The following ITFG1 variants were observed in gnomAD, a reference collection of about 807,000 sequenced individuals.
The protein encoded by ITFG1 is integrin alpha FG-GAP repeat containing 1.
In ITFG1, 34 loss-of-function variants were observed where a neutral mutation model predicts 81.8. That is an observed-to-expected ratio of 0.42 (90% CI 0.32 to 0.55). The LOEUF (loss-of-function observed/expected upper bound fraction) is 0.55, where lower values mean the gene tolerates loss of function less well. Among genes scored for constraint, ITFG1 ranks in the 20% least tolerant of loss-of-function variants. ITFG1 has a pLI of 0.17. For missense variants in ITFG1, 672 were observed against 755.4 expected (o/e 0.89, Z 1.29); for synonymous variants, 285 against 270.6 (o/e 1.05, Z -0.52).
intron 6 of ITFG1, among the ~76,000 whole-genome samples, chr16:47,409,391 TA>T (rs1567490168): frequency 2.2e-3 from 36 of 16,496 alleles, no homozygotes; most frequent in African/African-American, 3.1e-3. Context: ...TATATATATA[TA>T]TATATATATA....
intron 13 of ITFG1, among the ~76,000 whole-genome samples, chr16:47,227,829 A>G (rs1224005732): frequency 6.6e-6 from 1 of 152,220 alleles, no homozygotes; most frequent in Non-Finnish European, 1.5e-5. Context: ...CTAAAATATT[A>G]GAAAAATAGC....
chr16:47,310,322 C>T (rs897214415), intron 10 of ITFG1, among the ~76,000 whole-genome samples: 5 of 152,030 alleles, frequency 3.3e-5, no homozygotes, highest in African/African-American at 1.2e-4. Flanking sequence ...GTATCATGAG[C>T]CTGGTTCTGA....
rs991557068 is a variant in ITFG1 at position 47,162,657 on chromosome 16, T to C, written c.1461A>G (p.Gln487=). 1.3e-6 allele frequency: 2 copies of C among 1,599,664 alleles called. No homozygotes were observed. The highest frequency in any genetic ancestry group is 3.4e-5 in the Admixed American group (2 of 58,070). Residue 487 remains glutamine (Q), a synonymous_variant, in exon 15 of 18, where the codon CAA becomes CAG. Coordinates refer to ENST00000320640, the MANE Select transcript of ITFG1 (RefSeq NM_030790.5). ...NGYLKNGSAG[Q]LSQSAHLALQ... is the part of the protein sequence containing the mutation. ...GAGCTAAATGTGCGGATTGGCTGAG[T>C]TGGCCAGCTAGAGTTATTCAATTAA... is the stretch of plus-strand genomic sequence containing the variant.
intron 10 of ITFG1, among the ~76,000 whole-genome samples, chr16:47,300,838 T>C (rs761008930): frequency 4.6e-5 from 7 of 152,182 alleles, no homozygotes; most frequent in Non-Finnish European, 8.8e-5. Context: ...TTTGTAAGTA[T>C]AGACAAATTA....
chr16:47,179,902 G>A (rs912485194), intron 14 of ITFG1, among the ~76,000 whole-genome samples: 3 of 152,200 alleles, frequency 2.0e-5, no homozygotes, highest in East Asian at 1.9e-4. Flanking sequence ...TTTCCTGAAA[G>A]TTGAGTTATG....
intron 14 of ITFG1, among the ~76,000 whole-genome samples, chr16:47,177,600 A>G (rs1965045907): frequency 6.6e-6 from 1 of 151,792 alleles, no homozygotes; most frequent in Non-Finnish European, 1.5e-5. Context: ...TTGTAATTCT[A>G]TAAGATATCA....
intron 8 of ITFG1, among the ~76,000 whole-genome samples, chr16:47,320,736 C>A (rs1967436132): frequency 6.6e-6 from 1 of 152,128 alleles, no homozygotes; most frequent in African/African-American, 2.4e-5. Context: ...CTATCTAGCC[C>A]TATCACTGTG....
intron 4 of ITFG1, among the ~76,000 whole-genome samples, chr16:47,452,368 A>G (rs1304058524): frequency 6.6e-6 from 1 of 152,270 alleles, no homozygotes; most frequent in Non-Finnish European, 1.5e-5. Flanking sequence ...TTATAAAAAG[A>G]ACAAAAATTT....
In ITFG1 at chr16:47,260,604, T is replaced by C. The variant is rs1223972832; in HGVS notation, c.1162A>G (p.Thr388Ala). Reference protein sequence around the residue: ...RRMFKVYWELTDLNQIKDAMV... With the variant: ...RRMFKVYWELADLNQIKDAMV... ...GCATCCTTAATTTGATTTAGGTCTGTCAGCTCCCAGTAGACTTTAAACATT... is the reference window on the plus strand; with the variant it reads ...GCATCCTTAATTTGATTTAGGTCTGCCAGCTCCCAGTAGACTTTAAACATT... The change falls in exon 11 of 18, where the codon ACA (threonine) becomes GCA (alanine). Residue 388 changes from threonine to alanine, a missense_variant. Coordinates refer to ENST00000320640, the MANE Select transcript of ITFG1 (RefSeq NM_030790.5). 2.5e-6 allele frequency: 4 copies of C among 1,614,082 alleles called. No homozygotes were observed. In the African/African-American group the frequency reaches 4.0e-5, roughly 16 times the overall value.
chr16:47,349,119 A>C (rs151007705), intron 8 of ITFG1, among the ~76,000 whole-genome samples: 3,245 of 152,304 alleles, frequency 0.021, 110 homozygotes, highest in African/African-American at 0.074. Flanking sequence ...CCAAATTGTA[A>C]AGACCACTGA....
chr16:47,171,179 T>G (rs1003941491), intron 14 of ITFG1, among the ~76,000 whole-genome samples: 11 of 152,004 alleles, frequency 7.2e-5, no homozygotes, highest in African/African-American at 2.7e-4. Context: ...CACACATGGC[T>G]AATTTTTTTG....
At chr16:47,255,304 A>T (rs1407191879) in intron 12 of ITFG1, among the ~76,000 whole-genome samples, 1 of 152,200 alleles carries the variant, frequency 6.6e-6, no homozygotes, top group Non-Finnish European at 1.5e-5. Flanking sequence ...ACTCACTGTC[A>T]CTCATCATGT....
intron 14 of ITFG1, among the ~76,000 whole-genome samples, chr16:47,207,712 A>C (rs1965518270): frequency 6.6e-6 from 1 of 152,230 alleles, no homozygotes; most frequent in Admixed American, 6.5e-5. Flanking sequence ...ACAGAGATCC[A>C]GAACTTGCAG....
chr16:47,227,114 GGGCCT>G (rs1274561024), intron 13 of ITFG1, among the ~76,000 whole-genome samples: 4 of 152,042 alleles, frequency 2.6e-5, no homozygotes, highest in African/African-American at 9.7e-5. Flanking sequence ...ACTGATACCT[GGGCCT>G]ATAGGTCTTT....
intron 10 of ITFG1, among the ~76,000 whole-genome samples, chr16:47,298,434 G>A (rs1360151327): frequency 6.6e-6 from 1 of 151,518 alleles, no homozygotes; most frequent in African/African-American, 2.4e-5. Context: ...TGAGAAAACA[G>A]TTGCTTCTTC....
In ITFG1 at chr16:47,175,408, G is replaced by A. The variant is rs560468099; in HGVS notation, c.1454-12744C>T. Reference sequence around the variant, plus strand: ...TTTTAATTAAATAAACAAGAAAAGTGAAGCTAAGACTCTGAAAGAAAAATA... The same window carrying A: ...TTTTAATTAAATAAACAAGAAAAGTAAAGCTAAGACTCTGAAAGAAAAATA... On this transcript the variant is annotated intron_variant, in intron 14 of 17. Transcript: ENST00000320640. Among the ~76,000 whole-genome samples the A allele has an allele frequency of 7.9e-5, 12 of 151,736 alleles. No homozygotes were observed. In the South Asian group the frequency reaches 2.5e-3, roughly 32 times the overall value.
chr16:47,258,865 T>A (rs1373432709), intron 11 of ITFG1, 125 bp from the exon 12 acceptor site: 1 of 490,458 alleles, frequency 2.0e-6, no homozygotes, highest in African/African-American at 2.0e-5. Context: ...ATCCTCATGT[T>A]TAAAATAAAA....
chr16:47,240,279 G>T (rs765888242), intron 12 of ITFG1, among the ~76,000 whole-genome samples: 6 of 128,164 alleles, frequency 4.7e-5, no homozygotes, highest in Non-Finnish European at 9.4e-5. Flanking sequence ...CTTGGTGACA[G>T]ATGGAGATCC....
chr16:47,300,439 AC>A (rs1967058307), intron 10 of ITFG1, among the ~76,000 whole-genome samples: 1 of 152,094 alleles, frequency 6.6e-6, no homozygotes, highest in Non-Finnish European at 1.5e-5. Context: ...AGTTCTTCAC[AC>A]CCCTGAGGGC....
Sources: allele counts gnomAD v4.1 joint callset (sites outside exome capture counted in the v4.1 genomes callset), GRCh38; gene constraint gnomAD v4.1.1; transcripts MANE v1.5; gene names NCBI Gene and HGNC (gene_info 2026-07-23, HGNC 2026-07-21).